Variants in EEPD1 observed in about 807,000 individuals in gnomAD.
EEPD1 encodes the protein endonuclease/exonuclease/phosphatase family domain-containing protein 1.
In EEPD1, 17 loss-of-function variants were observed where a neutral mutation model predicts 46.3. The ratio of observed to expected loss-of-function variants is 0.37; its 90% CI spans 0.25 to 0.55. EEPD1 has a LOEUF of 0.55. Among genes scored for constraint, EEPD1 ranks in the 20% least tolerant of loss-of-function variants. The pLI, the probability that EEPD1 is intolerant of heterozygous loss-of-function variation, is 0.83. For synonymous variants in EEPD1, 313 were observed against 315.6 expected, an observed-to-expected ratio of 0.99 and a Z score of 0.09; for missense variants, 673 against 745.6, an observed-to-expected ratio of 0.90 and a Z score of 1.13.
intron 2 of EEPD1, among the ~76,000 whole-genome samples, chr7:36,202,164 A>G (rs1323782454): frequency 1.3e-5 from 2 of 152,192 alleles, no homozygotes; most frequent in African/African-American, 4.8e-5. Context: ...GTGTGCCTCC[A>G]CAGTGGAGGC....
intron 3 of EEPD1, among the ~76,000 whole-genome samples, chr7:36,268,366 G>A (rs1787055940): frequency 6.6e-6 from 1 of 152,054 alleles, no homozygotes; most frequent in South Asian, 2.1e-4. Flanking sequence ...TCACCATCTT[G>A]TCCAGGCTGG....
intron 6 of EEPD1, among the ~76,000 whole-genome samples, chr7:36,293,382 G>T (rs888745755): frequency 2.0e-5 from 3 of 152,104 alleles, no homozygotes; most frequent in Non-Finnish European, 4.4e-5. Context: ...TCTAGTTGTG[G>T]TTCCCATACC....
intron 2 of EEPD1, among the ~76,000 whole-genome samples, chr7:36,208,101 A>G (rs910751076): frequency 6.6e-6 from 1 of 151,974 alleles, no homozygotes; most frequent in African/African-American, 2.4e-5. Context: ...TAGTGACCCA[A>G]ATGAGCTGTC....
intron 3 of EEPD1, among the ~76,000 whole-genome samples, chr7:36,274,449 T>G (rs1292042428): frequency 5.3e-5 from 8 of 152,228 alleles, no homozygotes; most frequent in Admixed American, 5.2e-4. Flanking sequence ...TGTAGTAGGC[T>G]TCTTTGTTAT....
intron 2 of EEPD1, among the ~76,000 whole-genome samples, chr7:36,222,662 C>T (rs995459110): frequency 5.3e-5 from 8 of 152,230 alleles, no homozygotes; most frequent in Admixed American, 2.0e-4. Flanking sequence ...TGGAGGCTGG[C>T]GAGTCTAAGA....
At chr7:36,207,815 A>G (rs1395362313) in intron 2 of EEPD1, among the ~76,000 whole-genome samples, 1 of 152,106 alleles carries the variant, frequency 6.6e-6, no homozygotes, top group African/African-American at 2.4e-5. Context: ...GAGTCTTAGA[A>G]GAAGAGTCAC....
chr7:36,219,804 A>AGT (rs770071168), intron 2 of EEPD1, among the ~76,000 whole-genome samples: 2,071 of 87,606 alleles, frequency 0.024, 66 homozygotes, highest in East Asian at 0.21. Flanking sequence ...AGAGAGAGAG[A>AGT]GAGTGTGTGT....
intron 2 of EEPD1, among the ~76,000 whole-genome samples, chr7:36,230,531 C>T (rs982319961): frequency 2.0e-5 from 3 of 152,152 alleles, no homozygotes; most frequent in African/African-American, 7.2e-5. Context: ...CTCACTCTGT[C>T]CCCTTGTTCC....
intron 2 of EEPD1, among the ~76,000 whole-genome samples, chr7:36,220,237 C>G (rs77176842): frequency 1.3e-5 from 2 of 152,294 alleles, no homozygotes; most frequent in Non-Finnish European, 2.9e-5. Flanking sequence ...GGAACAAATA[C>G]CTTCAGATGA....
At chr7:36,165,354 G>A (rs2115612364) in intron 2 of EEPD1, among the ~76,000 whole-genome samples, 1 of 148,848 alleles carries the variant, frequency 6.7e-6, no homozygotes, top group South Asian at 2.1e-4. Flanking sequence ...ATCTAGGTCT[G>A]TGAAAGTCCA....
chr7:36,280,585 G>A (rs759117414), intron 3 of EEPD1, among the ~76,000 whole-genome samples: 5 of 152,202 alleles, frequency 3.3e-5, no homozygotes, highest in African/African-American at 1.2e-4. Flanking sequence ...AGTGCATGCC[G>A]CGTGCACGTG....
chr7:36,232,631 C>T (rs1309012121), intron 2 of EEPD1, among the ~76,000 whole-genome samples: 4 of 148,710 alleles, frequency 2.7e-5, no homozygotes, highest in South Asian at 2.2e-4. Context: ...TCTCATATGC[C>T]GATTTCAGTA....
intron 4 of EEPD1, among the ~76,000 whole-genome samples, chr7:36,282,032 C>G (rs1787270836): frequency 6.6e-6 from 1 of 152,196 alleles, no homozygotes; most frequent in Non-Finnish European, 1.5e-5. Flanking sequence ...AGCCCCTACT[C>G]TCTTTTTAGC....
intron 2 of EEPD1, among the ~76,000 whole-genome samples, chr7:36,221,031 ACTC>A (rs895666566): frequency 2.2e-4 from 34 of 151,950 alleles, no homozygotes; most frequent in African/African-American, 7.7e-4. Context: ...CTGGTCCAGA[ACTC>A]CTCGCCTGAA....
chr7:36,199,924 G>A (rs771334347), intron 2 of EEPD1, among the ~76,000 whole-genome samples: 3 of 152,160 alleles, frequency 2.0e-5, no homozygotes, highest in South Asian at 4.1e-4. Context: ...CCTAATGCAC[G>A]CTCCGTGGGA....
In EEPD1 at chr7:36,154,468, G is replaced by C. The variant is rs1784781685; in HGVS notation, c.144G>C (p.Glu48Asp). 3 of 1,614,114 alleles carry C rather than the reference G, an allele frequency of 1.9e-6. No individual in the cohort carries two copies. Among genetic ancestry groups the C allele is most frequent in the Non-Finnish European group, 2.5e-6 (3 of 1,180,050 alleles). The stretch of plus-strand genomic sequence containing the variant: ...TCAACATCAACACTGCCACGGAGGA[G>C]GAGCTGATGACCCTGCCTGGGGTGA... ...ERLNINTATE[E>D]ELMTLPGVTR... The change falls in exon 2 of 8, where the codon GAG (glutamate) becomes GAC (aspartate). Residue 48 changes from glutamate to aspartate, a missense_variant. Glu to Asp is a conservative substitution (Grantham distance 45, BLOSUM62 2). Coordinates refer to ENST00000242108, the MANE Select transcript of EEPD1 (RefSeq NM_030636.3). This position sits in a 1 kb window ranked among gnomAD's most constrained non-coding sequence, Gnocchi z 4.2.
intron 5 of EEPD1, among the ~76,000 whole-genome samples, chr7:36,285,161 A>G (rs1313715796): frequency 6.6e-6 from 1 of 152,176 alleles, no homozygotes; most frequent in African/African-American, 2.4e-5. Flanking sequence ...CACCTCAGAC[A>G]TACAGAATTT....
At chr7:36,191,675 G>A (rs1444569216) in intron 2 of EEPD1, among the ~76,000 whole-genome samples, 2 of 152,234 alleles carry the variant, frequency 1.3e-5, no homozygotes, top group East Asian at 1.9e-4. Context: ...GACGTGTTCA[G>A]CTGCCTGGTG....
intron 6 of EEPD1, among the ~76,000 whole-genome samples, chr7:36,289,620 G>A (rs566540027): frequency 3.3e-5 from 5 of 152,302 alleles, no homozygotes; most frequent in South Asian, 2.1e-4. Flanking sequence ...TCAGCCTCCC[G>A]AGTAGCTGGG....
Sources: gnomAD v4.1 joint callset for allele counts (sites outside exome capture counted in the v4.1 genomes callset) on GRCh38, gnomAD v4.1.1 for gene constraint, Gnocchi (gnomAD v3.1) non-coding constraint, MANE v1.5 for transcripts, NCBI Gene and HGNC (gene_info 2026-07-23, HGNC 2026-07-21) for gene names.